The following TEPSIN variants were observed in gnomAD, a reference collection of about 807,000 sequenced individuals.
TEPSIN encodes the protein AP-4 complex accessory subunit tepsin.
A neutral mutation model predicts 48.5 loss-of-function variants in TEPSIN; 50 were observed. That is an observed-to-expected ratio of 1.03 (90% CI 0.82 to 1.31). The LOEUF (loss-of-function observed/expected upper bound fraction) is 1.31. Ranked by LOEUF, TEPSIN falls within the 50% of genes most tolerant of loss-of-function variation. The pLI is 0.00. For synonymous variants in TEPSIN, 392 were observed against 358.8 expected (o/e 1.09, Z -1.05); for missense variants, 838 against 815.9 (o/e 1.03, Z -0.33).
chr17:81,230,623 T>C lies in TEPSIN; in HGVS notation c.1154A>G (p.His385Arg). ...LGSSDLLPQE[H>R]ILLRTRPWLQ... ...CCACGGCCGGGTGCGGAGGAGGATGTGCTCCTGGGGGAGGAGGTCGCTGCT... is the reference window on the plus strand; with the variant it reads ...CCACGGCCGGGTGCGGAGGAGGATGCGCTCCTGGGGGAGGAGGTCGCTGCT... The change falls in exon 12 of 13, where the codon CAC becomes CGC. Residue 385 changes from histidine (H) to arginine (R), a missense_variant. Coordinates refer to ENST00000637944, the MANE Select transcript of TEPSIN (RefSeq NM_001363764.2). This position sits in a 1 kb window ranked among gnomAD's most constrained non-coding sequence, Gnocchi z 4.2. 1 of 1,602,648 alleles carries C rather than the reference T, an allele frequency of 6.2e-7. No individual in the cohort carries two copies. Among genetic ancestry groups the C allele is most frequent in the Non-Finnish European group, 8.5e-7 (1 of 1,174,188 alleles).
chr17:81,238,080 G>C (rs527648289), intron 1 of TEPSIN: 1 of 987,882 alleles, frequency 1.0e-6, no homozygotes, highest in South Asian at 4.6e-5. Flanking sequence ...GGACAGAATA[G>C]AGTTCAAGAG....
At chr17:81,236,826 G>A (rs375706683) in intron 3 of TEPSIN, 25 bp from the exon 4 acceptor site, 26 of 1,553,574 alleles carry the variant, frequency 1.7e-5, no homozygotes, top group Admixed American at 9.7e-5. Flanking sequence ...GGTCAGCAGT[G>A]CTGGGCAGGC....
Position 81,233,496 on chromosome 17 carries a change from G to A in TEPSIN, c.462C>T (p.Gly154=), listed in dbSNP as rs1225117164. The A allele has an allele frequency of 6.2e-7, 1 of 1,600,702 alleles. No homozygotes were observed. Among genetic ancestry groups the A allele is most frequent in the Non-Finnish European group, 8.5e-7 (1 of 1,173,160 alleles). The change falls in exon 7 of 13, where the codon GGC becomes GGT. Residue 154 remains glycine (G), a synonymous_variant. Coordinates refer to ENST00000637944, the MANE Select transcript of TEPSIN (RefSeq NM_001363764.2). This position sits in a 1 kb window ranked among gnomAD's most constrained non-coding sequence, Gnocchi z 5.8. ...PLGTPPATGM[G]SQARPHSTLQ... is the part of the protein sequence containing the mutation. ...GGGTGCTGTGCGGCCTGGCCTGGGA[G>A]CCCATGCCTGCAGAGGGTCCTCCGT...
At position 81,233,758 on chromosome 17, in the gene TEPSIN, G is replaced by A. The variant is rs1199591147; in HGVS notation, c.376-42C>T. The A allele has an allele frequency of 6.5e-7, 1 of 1,542,210 alleles. No individual in the cohort carries two copies. The highest frequency in any genetic ancestry group is 8.8e-7 in the Non-Finnish European group (1 of 1,140,404). The stretch of plus-strand genomic sequence containing the variant: ...AGGCCCTCAGTGTCCTCACACCAGG[G>A]CCTGCTGTACTCACCCTGCCACCCA... On this transcript the variant is annotated intron_variant, in intron 5 of 12. Transcript: ENST00000637944. This position sits in a 1 kb window ranked among gnomAD's most constrained non-coding sequence, Gnocchi z 5.8.
Position 81,228,961 on chromosome 17 carries a change from T to C in TEPSIN, c.1749A>G (p.Ser583=), listed in dbSNP as rs1344007826. ...TCAGGAACGCGAAAGCTGACGGCTC[T>C]GAGCCAGGAGGCTCTTTGGCTGCTG... ...QRTAAKEPPG[S]EPSAFAFLNA Residue 583 remains serine (S), a synonymous_variant, in exon 13 of 13, where the codon TCA becomes TCG. Transcript: ENST00000637944. The C allele has an allele frequency of 1.2e-6, 2 of 1,613,702 alleles. No individual in the cohort carries two copies. The highest frequency in any genetic ancestry group is 2.2e-5 in the East Asian group (1 of 44,894).
In TEPSIN at chr17:81,230,953, T is replaced by G; in HGVS notation, c.1099-275A>C. ...CCCCAGCTCCCGGACACCAGAGCCA[T>G]GTCCTCCCCGGCTCCTGGACAGACC... is the stretch of plus-strand genomic sequence containing the variant. On this transcript the variant is annotated intron_variant, in intron 11 of 12. Coordinates refer to ENST00000637944, the MANE Select transcript of TEPSIN (RefSeq NM_001363764.2). The surrounding 1 kb of genome is among the most constrained non-coding windows in gnomAD (Gnocchi z 4.2). 1.9e-6 allele frequency: 1 copy of G among 524,218 alleles called. No homozygotes were observed. Among genetic ancestry groups the G allele is most frequent in the Non-Finnish European group, 3.4e-6 (1 of 297,766 alleles). 32.5% of individuals were successfully genotyped at this position (524,218 alleles called of 1,614,324 possible).
chr17:81,236,241 C>T (rs147931336), intron 4 of TEPSIN, among the ~76,000 whole-genome samples: 11 of 152,238 alleles, frequency 7.2e-5, no homozygotes, highest in African/African-American at 1.7e-4. Context: ...CTCCCAGCTC[C>T]GCCCTCCCAT....
At chr17:81,229,529 G>A in intron 12 of TEPSIN, 53 bp from the exon 13 acceptor site, 1 of 1,531,586 alleles carries the variant, frequency 6.5e-7, no homozygotes. Context: ...TGGGAAATGT[G>A]GGGACCAGGG....
Position 81,234,079 on chromosome 17 carries a change from G to A in TEPSIN, c.308-31C>T. The A allele has an allele frequency of 6.4e-7, 1 of 1,555,872 alleles. No individual in the cohort carries two copies. The highest frequency in any genetic ancestry group is 2.3e-5 in the East Asian group (1 of 43,270). On this transcript the variant is annotated intron_variant, in intron 4 of 12. Coordinates refer to ENST00000637944, the MANE Select transcript of TEPSIN (RefSeq NM_001363764.2). This position sits in a 1 kb window ranked among gnomAD's most constrained non-coding sequence, Gnocchi z 5.4. ...GAACAGAAAAGGCAAGTCGGGGGCA[G>A]GGCTGAGCCTGGCACCGCTGCTCCC...
In TEPSIN at chr17:81,230,409, C is replaced by T. The variant is rs543460753; in HGVS notation, c.1233+135G>A. ...GACTTGCTGCTGCTCCCTCTGCCAG[C>T]GGGACAGGGACTTGAGAGGGGGTCC... On this transcript the variant is annotated intron_variant, in intron 12 of 12. Coordinates refer to ENST00000637944, the MANE Select transcript of TEPSIN (RefSeq NM_001363764.2). This position sits in a 1 kb window ranked among gnomAD's most constrained non-coding sequence, Gnocchi z 4.2. 7.0e-4 allele frequency: 878 copies of T among 1,261,644 alleles called. 2 individuals carry two copies. The highest frequency in any genetic ancestry group is 1.6e-3 in the South Asian group (108 of 68,306). The allele number at this position is 1,261,644 out of a possible 1,614,324, so 78.2% of individuals were successfully genotyped here.
At chr17:81,238,498 A>T in intron 1 of TEPSIN, 1 of 584,110 alleles carries the variant, frequency 1.7e-6, no homozygotes, top group Non-Finnish European at 2.2e-6. Flanking sequence ...CAGAGGGTTT[A>T]CTAAGAGGGG....
In TEPSIN at chr17:81,233,009, C is replaced by A; in HGVS notation, c.526+423G>T. ...GCACAGCTGGGCTGGGGGCTGGGTC[C>A]CAGCCGCAGGCAGTGGTGCCACCTG... On this transcript the variant is annotated intron_variant, in intron 7 of 12. Transcript: ENST00000637944. The surrounding 1 kb of genome is among the most constrained non-coding windows in gnomAD (Gnocchi z 5.8). 1 of 251,478 alleles carries A rather than the reference C, an allele frequency of 4.0e-6. No individual in the cohort carries two copies. The highest frequency in any genetic ancestry group is 6.1e-5 in the South Asian group (1 of 16,320). The allele number at this position is 251,478 out of a possible 1,614,324, so 15.6% of individuals were successfully genotyped here.
rs142423836 is a variant in TEPSIN, at chr17:81,229,137, T to C, written c.1573A>G (p.Lys525Glu). Reference protein sequence around the residue: ...ERIPGGTDSPKRGPSSCAWSR... With the variant: ...ERIPGGTDSPERGPSSCAWSR... ...CACGCACAGCTGCTGGGGCCTCTCTTTGGGCTGTCCGTGCCCCCTGGGATC... is the reference window on the plus strand; with the variant it reads ...CACGCACAGCTGCTGGGGCCTCTCTCTGGGCTGTCCGTGCCCCCTGGGATC... Residue 525 changes from lysine (K) to glutamate (E), a missense_variant, in exon 13 of 13, where the codon AAG becomes GAG. By Grantham distance (56) the Lys-to-Glu change is moderately conservative. Coordinates refer to ENST00000637944, the MANE Select transcript of TEPSIN (RefSeq NM_001363764.2). The C allele has an allele frequency of 4.0e-4, 644 of 1,612,600 alleles. 6 individuals are homozygous for C. In the African/African-American group the frequency reaches 8.0e-3, roughly 20 times the overall value.
At chr17:81,237,696 G>A (rs1186006359) in intron 1 of TEPSIN, 6 of 584,776 alleles carry the variant, frequency 1.0e-5, no homozygotes, top group African/African-American at 1.9e-5. Context: ...GGTTCTCCAC[G>A]GAGGAGCTGC....
Position 81,234,131 on chromosome 17 carries a change from T to G in TEPSIN, c.308-83A>C. ...GTGGAGCACGGTGCCCTGGGCCCAC[T>G]CCAGGGTGGCAAGTTCCTGCCACCA... On this transcript the variant is annotated intron_variant, in intron 4 of 12. Coordinates refer to ENST00000637944, the MANE Select transcript of TEPSIN (RefSeq NM_001363764.2). The surrounding 1 kb of genome is among the most constrained non-coding windows in gnomAD (Gnocchi z 5.4). 1 of 1,294,248 alleles carries G rather than the reference T, an allele frequency of 7.7e-7. No homozygotes were observed. Among genetic ancestry groups the G allele is most frequent in the Non-Finnish European group, 1.0e-6 (1 of 968,370 alleles). 80.2% of individuals were successfully genotyped at this position (1,294,248 alleles called of 1,614,324 possible).
rs2062658307 is a variant in TEPSIN, at chr17:81,233,393, C to T, written c.526+39G>A. ...CCCCACCACCTCCTCATCCCCACAC[C>T]CTGAGATGCCAGAGCCCATGCAGGC... is the stretch of plus-strand genomic sequence containing the variant. On this transcript the variant is annotated intron_variant, in intron 7 of 12. Transcript: ENST00000637944. This position sits in a 1 kb window ranked among gnomAD's most constrained non-coding sequence, Gnocchi z 5.8. 6.2e-7 allele frequency: 1 copy of T among 1,603,888 alleles called. No individual in the cohort carries two copies. Among genetic ancestry groups the T allele is most frequent in the African/African-American group, 1.3e-5 (1 of 74,702 alleles).
In TEPSIN at chr17:81,230,211, T is replaced by C. The variant is rs904258925; in HGVS notation, c.1233+333A>G. On this transcript the variant is annotated intron_variant, in intron 12 of 12. Transcript: ENST00000637944. The surrounding 1 kb of genome is among the most constrained non-coding windows in gnomAD (Gnocchi z 4.2). ...GCTGTGTCATGGGTGGCAAACTGCATGTGCAGTCAGGGAGGGCTTCCTGGA... is the reference window on the plus strand; with the variant it reads ...GCTGTGTCATGGGTGGCAAACTGCACGTGCAGTCAGGGAGGGCTTCCTGGA... The C allele has an allele frequency of 9.1e-6, 3 of 329,086 alleles. No homozygotes were observed. Among genetic ancestry groups the C allele is most frequent in the African/African-American group, 6.6e-5 (3 of 45,546 alleles). 20.4% of individuals were successfully genotyped at this position (329,086 alleles called of 1,614,324 possible).
At chr17:81,237,126 C>T in intron 2 of TEPSIN, 55 bp from the exon 3 acceptor site, 1 of 1,509,900 alleles carries the variant, frequency 6.6e-7, no homozygotes, top group Admixed American at 2.0e-5. Context: ...CGCCAGGCCG[C>T]AGGGAGACCA....
rs192081388 is a variant in TEPSIN at position 81,233,424 on chromosome 17, C to G, written c.526+8G>C. The G allele has an allele frequency of 9.3e-5, 150 of 1,610,218 alleles. No homozygotes were observed. Among genetic ancestry groups the G allele is most frequent in the Non-Finnish European group, 1.2e-4 (145 of 1,179,452 alleles). ...ATGCCAGAGCCCATGCAGGCCCTCC[C>G]CACTCACCCGTGCGGCCGTGTTCCT... On this transcript the variant is annotated splice_region_variant and intron_variant, in intron 7 of 12. Transcript: ENST00000637944. This position sits in a 1 kb window ranked among gnomAD's most constrained non-coding sequence, Gnocchi z 5.8.
Sources: allele counts gnomAD v4.1 joint callset (sites outside exome capture counted in the v4.1 genomes callset), GRCh38; gene constraint gnomAD v4.1.1; non-coding constraint Gnocchi (gnomAD v3.1); transcripts MANE v1.5; gene names NCBI Gene and HGNC (gene_info 2026-07-23, HGNC 2026-07-21).